The following MYLK variants were observed in gnomAD, a reference collection of about 807,000 sequenced individuals.
MYLK encodes myosin light chain kinase, smooth muscle.
A neutral mutation model predicts 203.4 loss-of-function variants in MYLK; 106 were observed. The ratio of observed to expected loss-of-function variants is 0.52; its 90% confidence interval spans 0.45 to 0.61. The LOEUF is 0.61. MYLK is among the 20% of genes least tolerant of loss of function. MYLK has a pLI of 0.00. For missense variants in MYLK, 2,072 were observed against 2,442.3 expected (o/e 0.85, Z 3.20); for synonymous variants, 867 against 959.5 (o/e 0.90, Z 1.78).
intron 29 of MYLK, among the ~76,000 whole-genome samples, chr3:123,630,129 T>C (rs2058349066): frequency 6.6e-6 from 1 of 152,066 alleles, no homozygotes; most frequent in African/African-American, 2.4e-5. Context: ...GCAAGTGAAG[T>C]GTGTGCCCAA....
intron 4 of MYLK, among the ~76,000 whole-genome samples, chr3:123,754,973 C>T (rs2063318355): frequency 6.6e-6 from 1 of 152,156 alleles, no homozygotes; most frequent in Admixed American, 6.5e-5. Flanking sequence ...GCCCTAAAGG[C>T]AGAAACGTTC....
At chr3:123,818,327 G>C (rs1372434917) in intron 3 of MYLK, among the ~76,000 whole-genome samples, 3 of 152,078 alleles carry the variant, frequency 2.0e-5, no homozygotes, top group African/African-American at 7.2e-5. Context: ...TTTCTACTTG[G>C]CAGTTTTCAA....
chr3:123,811,925 C>A (rs1051309943), intron 3 of MYLK, among the ~76,000 whole-genome samples: 8 of 152,194 alleles, frequency 5.3e-5, no homozygotes, highest in Admixed American at 3.9e-4. Flanking sequence ...CAATTCACTT[C>A]TAACTACTAA....
intron 2 of MYLK, among the ~76,000 whole-genome samples, chr3:123,842,465 T>G (rs2066617298): frequency 6.6e-6 from 1 of 152,160 alleles, no homozygotes; most frequent in African/African-American, 2.4e-5. Flanking sequence ...TTTGTCACCA[T>G]GGGCAAAAAA....
chr3:123,745,809 G>C (rs1396809359), intron 5 of MYLK, among the ~76,000 whole-genome samples: 4 of 152,062 alleles, frequency 2.6e-5, no homozygotes, highest in Non-Finnish European at 4.4e-5. Context: ...AGTTCTAGTG[G>C]AGAAGAAAAA....
Position 123,883,016 on chromosome 3 carries a change from G to A in MYLK, c.-186+1190C>T, listed in dbSNP as rs142302751. Reference sequence around the variant, plus strand: ...CAGATGCACCTACACTTCTCCCAGAGACTTGCATTGTTGATTCCTGATTCT... The same window carrying A: ...CAGATGCACCTACACTTCTCCCAGAAACTTGCATTGTTGATTCCTGATTCT... On this transcript the variant is annotated intron_variant, in intron 1 of 33. Coordinates refer to ENST00000360304, the MANE Select transcript of MYLK (RefSeq NM_053025.4). 6.6e-5 allele frequency among the ~76,000 whole-genome samples: 10 copies of A among 152,360 alleles called. No individual in the cohort carries two copies. The East Asian group carries it at 1.9e-3, about 29-fold the overall frequency.
At position 123,626,839 on chromosome 3, in the gene MYLK, G is replaced by A. The variant is rs774027216; in HGVS notation, c.5217C>T (p.Tyr1739=). The change falls in exon 31 of 34, where the codon TAC becomes TAT. Residue 1739 remains tyrosine, a synonymous_variant. Coordinates refer to ENST00000360304, the MANE Select transcript of MYLK (RefSeq NM_053025.4). ...TTACCTGCCATTTCCTTCTTGCCATGTACTTCTTCATCCGGTCCTTGGAGA... is the reference window on the plus strand; with the variant it reads ...TTACCTGCCATTTCCTTCTTGCCATATACTTCTTCATCCGGTCCTTGGAGA... ...KKLSKDRMKK[Y]MARRKWQKTG... 2.5e-6 allele frequency: 4 copies of A among 1,614,080 alleles called. No individual in the cohort carries two copies. The highest frequency in any genetic ancestry group is 3.3e-5 in the Admixed American group (2 of 60,000).
Position 123,668,120 on chromosome 3 carries a change from G to A in MYLK, c.3653-933C>T, listed in dbSNP as rs1019647336. On this transcript the variant is annotated intron_variant, in intron 20 of 33. Coordinates refer to ENST00000360304, the MANE Select transcript of MYLK (RefSeq NM_053025.4). ...CTAAATCACAATATAGTGCACGTGC[G>A]AAAACATCTTGAGCTGTCTTCACGG... Among the ~76,000 whole-genome samples the A allele has an allele frequency of 3.9e-5, 6 of 152,190 alleles. No individual in the cohort carries two copies. The East Asian group carries it at 7.7e-4, about 20-fold the overall frequency.
chr3:123,824,817 T>C (rs2066057454), intron 3 of MYLK, among the ~76,000 whole-genome samples: 1 of 152,126 alleles, frequency 6.6e-6, no homozygotes, highest in Non-Finnish European at 1.5e-5. Context: ...TTCAAAGTTA[T>C]TATATCAAAA....
At chr3:123,750,139 A>C (rs1234640535) in intron 5 of MYLK, among the ~76,000 whole-genome samples, 2 of 152,254 alleles carry the variant, frequency 1.3e-5, no homozygotes, top group Non-Finnish European at 2.9e-5. Flanking sequence ...GCAGAAGCAG[A>C]ATGTGCATAG....
chr3:123,820,699 C>T (rs1242143238), intron 3 of MYLK, among the ~76,000 whole-genome samples: 1 of 148,366 alleles, frequency 6.7e-6, no homozygotes, highest in African/African-American at 2.5e-5. Context: ...TCCTTCCTTC[C>T]TTCCTTCCTT....
chr3:123,883,793 T>G (rs993021887), intron 1 of MYLK, among the ~76,000 whole-genome samples: 7 of 152,040 alleles, frequency 4.6e-5, no homozygotes, highest in Admixed American at 4.6e-4. Flanking sequence ...CGGGCCGCCT[T>G]CCCCGCCCTA....
chr3:123,771,024 T>A (rs917117798), intron 4 of MYLK, among the ~76,000 whole-genome samples: 5 of 152,198 alleles, frequency 3.3e-5, no homozygotes, highest in Non-Finnish European at 1.5e-5. Flanking sequence ...ATCCTAGTTT[T>A]CCAAGAATTT....
intron 2 of MYLK, among the ~76,000 whole-genome samples, chr3:123,839,080 C>T (rs994962608): frequency 5.3e-5 from 8 of 151,900 alleles, no homozygotes; most frequent in South Asian, 4.2e-4. Flanking sequence ...GGCAACAGAG[C>T]GAGACTCCAC....
At chr3:123,841,507 T>C (rs2066590977) in intron 2 of MYLK, among the ~76,000 whole-genome samples, 1 of 152,168 alleles carries the variant, frequency 6.6e-6, no homozygotes. Context: ...TGATAAGTGA[T>C]AGCTTAGTCC....
intron 2 of MYLK, among the ~76,000 whole-genome samples, chr3:123,872,021 C>T (rs367917653): frequency 2.1e-4 from 32 of 151,790 alleles, no homozygotes; most frequent in African/African-American, 6.8e-4. Flanking sequence ...TATCAATAGA[C>T]TAAAGCAAGG....
intron 5 of MYLK, among the ~76,000 whole-genome samples, chr3:123,743,866 C>T (rs186495071): frequency 2.4e-4 from 37 of 152,128 alleles, no homozygotes; most frequent in African/African-American, 4.3e-4. Context: ...TAAAAATGTG[C>T]GGTGATATAA....
At chr3:123,661,949 G>A (rs777672808) in intron 23 of MYLK, among the ~76,000 whole-genome samples, 36 of 152,182 alleles carry the variant, frequency 2.4e-4, no homozygotes, top group Non-Finnish European at 4.4e-4. Flanking sequence ...CACCTCATTT[G>A]TCTTCCCAGC....
At chr3:123,874,348 TC>T (rs1433589711) in intron 2 of MYLK, among the ~76,000 whole-genome samples, 2 of 152,136 alleles carry the variant, frequency 1.3e-5, no homozygotes, top group Non-Finnish European at 2.9e-5. Flanking sequence ...ACATACATGC[TC>T]AACTGATTTT....
Sources: gnomAD v4.1 joint callset for allele counts (sites outside exome capture counted in the v4.1 genomes callset) on GRCh38, gnomAD v4.1.1 for gene constraint, MANE v1.5 for transcripts, NCBI Gene and HGNC (gene_info 2026-07-23, HGNC 2026-07-21) for gene names.